NEIL2: variants seen among roughly 807,000 people sequenced by gnomAD.
NEIL2 encodes the protein nei like DNA glycosylase 2.
A neutral mutation model predicts 22.2 loss-of-function variants in NEIL2; 23 were observed. The observed-to-expected ratio is 1.04, with a 90% CI of 0.75 to 1.47. NEIL2 has a LOEUF of 1.47. Among genes scored for constraint, NEIL2 ranks in the 40% most tolerant of loss-of-function variants. The pLI, the probability that NEIL2 is intolerant of heterozygous loss-of-function variation, is 0.00. For missense variants in NEIL2, 583 were observed against 404.7 expected (o/e 1.44, Z -3.78); for synonymous variants, 229 against 164.8 (o/e 1.39, Z -2.99).
intron 3 of NEIL2, among the ~76,000 whole-genome samples, chr8:11,781,397 G>C (rs764988502): frequency 6.6e-6 from 1 of 152,180 alleles, no homozygotes; most frequent in African/African-American, 2.4e-5. Flanking sequence ...AGAGGCTACT[G>C]CAGCTCCAGG....
chr8:11,774,042 G>C (rs8191555), intron 2 of NEIL2, among the ~76,000 whole-genome samples: 10,461 of 152,206 alleles, frequency 0.069, 1,133 homozygotes, highest in African/African-American at 0.23. Context: ...CATCCTACAT[G>C]GTGGAAGGCA....
rs752638391 is a variant in NEIL2 at position 11,785,948 on chromosome 8, C to A, written c.689-15C>A. ...GTCCTTTGTCCTTCCCTTACCTTCC[C>A]CCGCTTTATTTCAGGGAACATCATT... On this transcript the variant is annotated splice_polypyrimidine_tract_variant and intron_variant, in intron 4 of 4. Coordinates refer to ENST00000284503, the MANE Select transcript of NEIL2 (RefSeq NM_145043.4). 1.2e-6 allele frequency: 2 copies of A among 1,612,990 alleles called. No homozygotes were observed. Among genetic ancestry groups the A allele is most frequent in the African/African-American group, 2.7e-5 (2 of 74,972 alleles).
chr8:11,786,177 G>C lies in NEIL2; in HGVS notation c.903G>C (p.Ala301=). ...CPAGHQVMKE[A]FGPEDGLQRL... ...CTGGCCACCAGGTCATGAAGGAGGC[G>C]TTTGGGCCCGAAGATGGGTTACAGA... Residue 301 remains alanine, a synonymous_variant, in exon 5 of 5, where the codon GCG becomes GCC. Transcript: ENST00000284503. 4.3e-6 allele frequency: 7 copies of C among 1,613,874 alleles called. No homozygotes were observed. Among genetic ancestry groups the C allele is most frequent in the Non-Finnish European group, 5.1e-6 (6 of 1,180,008 alleles).
chr8:11,779,038 A>T (rs1291797520), intron 2 of NEIL2, among the ~76,000 whole-genome samples: 1 of 148,696 alleles, frequency 6.7e-6, no homozygotes, highest in Non-Finnish European at 1.5e-5. Flanking sequence ...CAGTGAGATG[A>T]GGTGGGTCCT....
At chr8:11,784,747 A>C (rs1410759861) in intron 4 of NEIL2, among the ~76,000 whole-genome samples, 4 of 152,194 alleles carry the variant, frequency 2.6e-5, no homozygotes, top group African/African-American at 9.7e-5. Flanking sequence ...TTCCCAAGAG[A>C]GTTACTGATT....
At chr8:11,778,163 G>C (rs1249815232) in intron 2 of NEIL2, among the ~76,000 whole-genome samples, 1 of 152,122 alleles carries the variant, frequency 6.6e-6, no homozygotes, top group Non-Finnish European at 1.5e-5. Context: ...TTTTGACCTA[G>C]TAAATGTTTT....
chr8:11,773,565 A>T (rs1447296123), intron 2 of NEIL2, among the ~76,000 whole-genome samples: 1 of 152,162 alleles, frequency 6.6e-6, no homozygotes, highest in Non-Finnish European at 1.5e-5. Flanking sequence ...CCTGGAGAAG[A>T]TGTGCAGGAG....
chr8:11,784,981 A>T (rs1005815648), intron 4 of NEIL2, among the ~76,000 whole-genome samples: 4 of 152,062 alleles, frequency 2.6e-5, no homozygotes, highest in Non-Finnish European at 4.4e-5. Context: ...CGATCCTCCC[A>T]CCTTAGCCTC....
rs1804634623 is a variant in NEIL2, at chr8:11,783,548, C to T, written c.688+149C>T. 1.4e-5 allele frequency: 10 copies of T among 717,030 alleles called. No individual in the cohort carries two copies. The Admixed American group carries it at 1.8e-4, about 13-fold the overall frequency. 44.4% of individuals were successfully genotyped at this position (717,030 alleles called of 1,614,324 possible). A position where few individuals can be genotyped will look rare whatever the true frequency, so the allele number is the denominator to read the frequency against. ...TGCTCAATCTCCTTTCTTTTACTTC[C>T]CTTGTTTTTAGACTGAGGGCATTAG... On this transcript the variant is annotated intron_variant, in intron 4 of 4. Transcript: ENST00000284503.
intron 2 of NEIL2, 116 bp downstream of exon 2, chr8:11,771,701 G>A (rs2130428597): frequency 1.9e-6 from 2 of 1,054,560 alleles, no homozygotes; most frequent in East Asian, 4.9e-5. Flanking sequence ...ACCAAGCTCG[G>A]ACTCCATGCA....
In NEIL2 at chr8:11,784,698, A is replaced by G. The variant is rs8191654; in HGVS notation, c.689-1265A>G. ...CCACTGTGGGTTACTAAAGATTGCA[A>G]TGAATGCCTGGTGGAGCTGAAAGAG... On this transcript the variant is annotated intron_variant, in intron 4 of 4. Transcript: ENST00000284503. Among the ~76,000 whole-genome samples, 414 of 152,330 alleles carry G rather than the reference A, an allele frequency of 2.7e-3. 5 individuals carry two copies. The highest frequency in any genetic ancestry group is 0.02 in the South Asian group (98 of 4,824).
At chr8:11,780,923 G>C (rs1024405658) in intron 3 of NEIL2, among the ~76,000 whole-genome samples, 3 of 152,178 alleles carry the variant, frequency 2.0e-5, no homozygotes, top group African/African-American at 7.2e-5. Flanking sequence ...CAGAAAGTCT[G>C]TTTGTTTTTG....
intron 1 of NEIL2, 142 bp from the exon 2 acceptor site, chr8:11,771,304 C>T (rs370949076): frequency 9.9e-6 from 10 of 1,005,402 alleles, no homozygotes; most frequent in African/African-American, 7.9e-5. Flanking sequence ...CGCCTCCCAG[C>T]CACACTCCCT....
intron 3 of NEIL2, among the ~76,000 whole-genome samples, chr8:11,781,171 A>G (rs1006187257): frequency 2.9e-4 from 37 of 128,808 alleles, no homozygotes; most frequent in African/African-American, 1.2e-3. Flanking sequence ...TGTAGTCTTT[A>G]TTTGTGTGGC....
In NEIL2 at chr8:11,786,270, C is replaced by T. The variant is rs567450550; in HGVS notation, c.996C>T (p.Ser332=). The T allele has an allele frequency of 1.9e-6, 3 of 1,611,056 alleles. No homozygotes were observed. Among genetic ancestry groups the T allele is most frequent in the African/African-American group, 1.3e-5 (1 of 74,816 alleles). The change falls in exon 5 of 5, where the codon TCC becomes TCT. Residue 332 remains serine (S), a synonymous_variant. Transcript: ENST00000284503. ...AGGAGCCAGAGCAGTGCCAGTTCTC[C>T]TAAGGAGCTGGTGGTGCTCCTCACG... ...LSEEPEQCQF[S]
intron 2 of NEIL2, among the ~76,000 whole-genome samples, chr8:11,777,585 G>A (rs1042137606): frequency 1.3e-5 from 2 of 151,900 alleles, no homozygotes; most frequent in South Asian, 2.1e-4. Flanking sequence ...TTTCTGTCTC[G>A]ATGAATTTTA....
In NEIL2 at chr8:11,779,624, A is replaced by T; in HGVS notation, c.165A>T (p.Arg55Ser). 6.2e-7 allele frequency: 1 copy of T among 1,613,178 alleles called. No homozygotes were observed. Among genetic ancestry groups the T allele is most frequent in the Non-Finnish European group, 8.5e-7 (1 of 1,179,748 alleles). Residue 55 changes from arginine to serine, a missense_variant, in exon 3 of 5, where the codon AGA becomes AGT. Transcript: ENST00000284503. Reference sequence around the variant, plus strand: ...TCCATGGAAAGAAATTATTCCTTAGATTTGATCTAGATGAAGAAATGGGGC... The same window carrying T: ...TCCATGGAAAGAAATTATTCCTTAGTTTTGATCTAGATGAAGAAATGGGGC... The part of the protein sequence containing the change: ...TQVHGKKLFL[R>S]FDLDEEMGPP...
In NEIL2 at chr8:11,771,782, C is replaced by G. The variant is rs184994510; in HGVS notation, c.138+197C>G. ...CTGTGGACTGTAGAACTGTAAAGAA[C>G]ACGTGTGGATGAGCTGGAGACCCCG... On this transcript the variant is annotated intron_variant, in intron 2 of 4. Coordinates refer to ENST00000284503, the MANE Select transcript of NEIL2 (RefSeq NM_145043.4). Among the ~76,000 whole-genome samples the G allele has an allele frequency of 1.8e-4, 28 of 152,270 alleles. 1 individual carries two copies. The highest frequency in any genetic ancestry group is 5.9e-4 in the Admixed American group (9 of 15,290).
At chr8:11,774,759 G>A (rs547707944) in intron 2 of NEIL2, among the ~76,000 whole-genome samples, 2 of 152,330 alleles carry the variant, frequency 1.3e-5, no homozygotes, top group Non-Finnish European at 2.9e-5. Flanking sequence ...TTTCAAATGG[G>A]AGAAATTGGC....
Sources: allele counts gnomAD v4.1 joint callset (sites outside exome capture counted in the v4.1 genomes callset), GRCh38; gene constraint gnomAD v4.1.1; transcripts MANE v1.5; gene names NCBI Gene and HGNC (gene_info 2026-07-23, HGNC 2026-07-21).